The following CDIN1 variants were observed in gnomAD, a reference collection of about 807,000 sequenced individuals.
CDIN1 encodes CDAN1 interacting nuclease 1.
CDIN1 carries 33 observed loss-of-function variants against 45.3 expected under a neutral mutation model. The ratio of observed to expected loss-of-function variants is 0.73; its 90% confidence interval spans 0.55 to 0.97. The LOEUF (loss-of-function observed/expected upper bound fraction) is 0.97. Ranked by LOEUF, CDIN1 falls within the 50% of genes least tolerant of loss-of-function variation. The pLI is 0.00. For missense variants in CDIN1, 303 were observed against 339.4 expected (o/e 0.89, Z 0.84); for synonymous variants, 118 against 124.4 (o/e 0.95, Z 0.34).
chr15:36,761,859 G>C (rs958116674), intron 10 of CDIN1, among the ~76,000 whole-genome samples: 6 of 152,042 alleles, frequency 3.9e-5, no homozygotes, highest in African/African-American at 1.4e-4. Flanking sequence ...ATTTTCATTT[G>C]GAAAGGGAAA....
chr15:36,709,200 A>G (rs1179479736), intron 8 of CDIN1, 23 bp from the exon 9 acceptor site: 1 of 1,578,096 alleles, frequency 6.3e-7, no homozygotes, highest in Non-Finnish European at 8.6e-7. Flanking sequence ...GTTTTAAGTA[A>G]ATAGTGTTTG....
chr15:36,770,911 A>G (rs756810211), intron 10 of CDIN1, among the ~76,000 whole-genome samples: 3 of 152,222 alleles, frequency 2.0e-5, no homozygotes, highest in Non-Finnish European at 2.9e-5. Context: ...ATGCCACATT[A>G]TGTGAATGAG....
chr15:36,743,788 C>T (rs1356087461), intron 10 of CDIN1, among the ~76,000 whole-genome samples: 1 of 151,782 alleles, frequency 6.6e-6, no homozygotes, highest in Non-Finnish European at 1.5e-5. Context: ...ACTTGGGAGG[C>T]TGAGGTGGGA....
intron 1 of CDIN1, among the ~76,000 whole-genome samples, chr15:36,587,807 G>T (rs1295504686): frequency 6.6e-6 from 1 of 152,104 alleles, no homozygotes; most frequent in Non-Finnish European, 1.5e-5. Flanking sequence ...GAGAGGTGAA[G>T]TCCGACGGCT....
chr15:36,622,909 A>G (rs1187652592), intron 1 of CDIN1, among the ~76,000 whole-genome samples: 1 of 152,210 alleles, frequency 6.6e-6, no homozygotes, highest in Non-Finnish European at 1.5e-5. Context: ...GATGGGGGGA[A>G]GAAAATTGAA....
intron 5 of CDIN1, among the ~76,000 whole-genome samples, chr15:36,689,748 C>T (rs2042177427): frequency 6.6e-6 from 1 of 151,982 alleles, no homozygotes; most frequent in Non-Finnish European, 1.5e-5. Flanking sequence ...GTTTCCTATT[C>T]CCGATATTTT....
chr15:36,780,796 G>T (rs2054331311), intron 10 of CDIN1, among the ~76,000 whole-genome samples: 1 of 152,130 alleles, frequency 6.6e-6, no homozygotes, highest in Non-Finnish European at 1.5e-5. Context: ...CCTGCTCAAG[G>T]TCAGAGAACT....
chr15:36,611,754 A>G (rs979648681), intron 1 of CDIN1, among the ~76,000 whole-genome samples: 4 of 152,174 alleles, frequency 2.6e-5, no homozygotes, highest in Non-Finnish European at 5.9e-5. Flanking sequence ...TCAGCAAGGC[A>G]TTTGCCTTTT....
At chr15:36,804,839 A>AT (rs1446271519) in intron 10 of CDIN1, among the ~76,000 whole-genome samples, 4 of 151,290 alleles carry the variant, frequency 2.6e-5, no homozygotes, top group Non-Finnish European at 1.5e-5. Context: ...CGCCTGGCTA[A>AT]TTTTTTTATA....
chr15:36,587,024 T>A (rs1431361746), intron 1 of CDIN1, among the ~76,000 whole-genome samples: 1 of 152,196 alleles, frequency 6.6e-6, no homozygotes, highest in South Asian at 2.1e-4. Flanking sequence ...AAGTTTAATT[T>A]TTCCTTGAGT....
chr15:36,598,169 T>A (rs2037925170), intron 1 of CDIN1, among the ~76,000 whole-genome samples: 1 of 152,082 alleles, frequency 6.6e-6, no homozygotes, highest in African/African-American at 2.4e-5. Flanking sequence ...TTTTTGTATT[T>A]TTAGTAGAGA....
At chr15:36,665,748 G>T (rs2041224360) in intron 5 of CDIN1, among the ~76,000 whole-genome samples, 1 of 152,112 alleles carries the variant, frequency 6.6e-6, no homozygotes, top group South Asian at 2.1e-4. Flanking sequence ...GGTTCATAAT[G>T]TATAGTGCTT....
chr15:36,601,136 G>A (rs1323448193), intron 1 of CDIN1, among the ~76,000 whole-genome samples: 1 of 152,048 alleles, frequency 6.6e-6, no homozygotes, highest in Non-Finnish European at 1.5e-5. Context: ...CTAACATTCT[G>A]CAGTGTGAGG....
intron 7 of CDIN1, among the ~76,000 whole-genome samples, chr15:36,694,049 G>T (rs2140730500): frequency 6.6e-6 from 1 of 152,256 alleles, no homozygotes; most frequent in South Asian, 2.1e-4. Context: ...TAAAACTACA[G>T]ATTTTATAAG....
rs904788879 is a variant in CDIN1 at position 36,772,312 on chromosome 15, T to C, written c.717-36012T>C. 2.2e-4 allele frequency among the ~76,000 whole-genome samples: 33 copies of C among 152,212 alleles called. 1 individual carries two copies. Among genetic ancestry groups the C allele is most frequent in the Admixed American group, 1.8e-3 (27 of 15,274 alleles). ...TTTACTTGGCGCAAATCGTCATATG[T>C]TTTTCTTTGGATATATGAATACATT... is the stretch of plus-strand genomic sequence containing the variant. On this transcript the variant is annotated intron_variant, in intron 10 of 10. Transcript: ENST00000566621.
chr15:36,725,853 TA>T (rs11318396), intron 10 of CDIN1, among the ~76,000 whole-genome samples: 5,343 of 151,358 alleles, frequency 0.035, 284 homozygotes, highest in African/African-American at 0.11. Context: ...CTAAGTGCTT[TA>T]AAAAAAAATA....
intron 10 of CDIN1, among the ~76,000 whole-genome samples, chr15:36,733,161 T>G (rs1246736544): frequency 1.3e-5 from 2 of 152,092 alleles, no homozygotes; most frequent in Non-Finnish European, 1.5e-5. Context: ...ATTTTAAGCT[T>G]TGTTTTTTAT....
chr15:36,714,031 A>G (rs1272967453), intron 10 of CDIN1, among the ~76,000 whole-genome samples: 1 of 152,202 alleles, frequency 6.6e-6, no homozygotes, highest in Non-Finnish European at 1.5e-5. Flanking sequence ...TGTCTGACAG[A>G]CAATAATGTT....
chr15:36,686,896 A>T (rs2042075903), intron 5 of CDIN1, among the ~76,000 whole-genome samples: 1 of 122,754 alleles, frequency 8.1e-6, no homozygotes, highest in Non-Finnish European at 1.7e-5. Flanking sequence ...GGTGGGAGAG[A>T]GAGAGGGAGG....
Sources: allele counts gnomAD v4.1 joint callset (sites outside exome capture counted in the v4.1 genomes callset), GRCh38; gene constraint gnomAD v4.1.1; transcripts MANE v1.5; gene names NCBI Gene and HGNC (gene_info 2026-07-23, HGNC 2026-07-21).